Variants in FHIT observed in about 807,000 individuals in gnomAD.
The protein encoded by FHIT is fragile histidine triad diadenosine triphosphatase, also known as bis(5'-adenosyl)-triphosphatase.
In FHIT, 19 loss-of-function variants were observed where a neutral mutation model predicts 17.9. The ratio of observed to expected loss-of-function variants is 1.06; its 90% CI spans 0.74 to 1.56. The LOEUF (loss-of-function observed/expected upper bound fraction) is 1.56. FHIT is among the 40% of genes most tolerant of loss of function. The pLI is 0.00. For missense variants in FHIT, 248 were observed against 189.2 expected (o/e 1.31, Z -1.82); for synonymous variants, 81 against 69.7 (o/e 1.16, Z -0.81).
intron 1 of FHIT, among the ~76,000 whole-genome samples, chr3:61,250,717 A>ACC: frequency 6.6e-6 from 1 of 152,072 alleles, no homozygotes; most frequent in Admixed American, 6.5e-5. Context: ...AAAAACAACA[A>ACC]CCATAAAATA....
At chr3:61,248,672 G>T (rs145942158) in intron 1 of FHIT, among the ~76,000 whole-genome samples, 8 of 152,200 alleles carry the variant, frequency 5.3e-5, no homozygotes, top group African/African-American at 1.9e-4. Flanking sequence ...GCATGTTGAA[G>T]TTGCATAAAC....
At chr3:60,351,272 T>C (rs137865871) in intron 5 of FHIT, among the ~76,000 whole-genome samples, 1 of 152,196 alleles carries the variant, frequency 6.6e-6, no homozygotes, top group East Asian at 1.9e-4. Context: ...TTGACTGATA[T>C]TTATTTTTTG....
intron 1 of FHIT, among the ~76,000 whole-genome samples, chr3:61,227,494 T>G (rs1014612241): frequency 2.0e-5 from 3 of 152,126 alleles, no homozygotes; most frequent in Non-Finnish European, 4.4e-5. Flanking sequence ...CAGTGAAACT[T>G]GCAGCACATA....
intron 4 of FHIT, among the ~76,000 whole-genome samples, chr3:60,771,830 T>G (rs77366932): frequency 0.11 from 17,102 of 152,204 alleles, 1,104 homozygotes; most frequent in African/African-American, 0.17. Context: ...TTATGCAAAA[T>G]TGTTCATTTT....
chr3:60,500,537 A>C (rs2107522455), intron 5 of FHIT, among the ~76,000 whole-genome samples: 1 of 152,128 alleles, frequency 6.6e-6, no homozygotes, highest in South Asian at 2.1e-4. Flanking sequence ...TAGGAGGCCA[A>C]GGTGGGTGGA....
intron 3 of FHIT, among the ~76,000 whole-genome samples, chr3:60,842,499 G>A (rs1702754904): frequency 6.6e-6 from 1 of 150,946 alleles, no homozygotes; most frequent in Non-Finnish European, 1.5e-5. Context: ...TTCTTCGCAA[G>A]GTATATGTGA....
At chr3:60,173,915 A>ATATATATATATATATATATATATTTTT in intron 5 of FHIT, among the ~76,000 whole-genome samples, 1 of 66,436 alleles carries the variant, frequency 1.5e-5, no homozygotes, top group Admixed American at 2.1e-4. Context: ...ATATATATAT[A>ATATATATATATATATATATATATTTTT]TGTTTTTTTT....
chr3:60,566,567 C>T (rs573556390), intron 4 of FHIT, among the ~76,000 whole-genome samples: 10 of 152,112 alleles, frequency 6.6e-5, no homozygotes, highest in Non-Finnish European at 1.5e-4. Context: ...GATGCCCTCT[C>T]TCACCACTCC....
At chr3:59,840,631 C>T (rs960478672) in intron 8 of FHIT, among the ~76,000 whole-genome samples, 69 of 152,056 alleles carry the variant, frequency 4.5e-4, no homozygotes, top group African/African-American at 1.6e-3. Flanking sequence ...TGTGTAGAAG[C>T]CTTGCCTCAA....
chr3:61,179,971 C>T (rs182527862), intron 2 of FHIT, among the ~76,000 whole-genome samples: 1 of 152,248 alleles, frequency 6.6e-6, no homozygotes, highest in African/African-American at 2.4e-5. Flanking sequence ...TATGCTTCTA[C>T]AGAAAATTGA....
intron 6 of FHIT, among the ~76,000 whole-genome samples, chr3:60,012,195 T>C (rs893034293): frequency 6.6e-6 from 1 of 151,714 alleles, no homozygotes; most frequent in African/African-American, 2.4e-5. Flanking sequence ...AATCCATTAG[T>C]GGGTCATGAA....
At chr3:60,721,780 C>A (rs2041814694) in intron 4 of FHIT, among the ~76,000 whole-genome samples, 1 of 152,028 alleles carries the variant, frequency 6.6e-6, no homozygotes. Context: ...TCAAGATCCA[C>A]AAATGAAAGG....
intron 4 of FHIT, among the ~76,000 whole-genome samples, chr3:60,603,723 C>T (rs1056842938): frequency 3.9e-5 from 6 of 151,980 alleles, no homozygotes; most frequent in Non-Finnish European, 7.4e-5. Context: ...GGTAAGGCAT[C>T]ATTGTGAATA....
intron 4 of FHIT, among the ~76,000 whole-genome samples, chr3:60,725,208 G>A (rs1559672779): frequency 6.6e-6 from 1 of 152,038 alleles, no homozygotes; most frequent in Non-Finnish European, 1.5e-5. Flanking sequence ...TCAGATATAT[G>A]ATTTGCAAAA....
At chr3:60,952,672 C>T (rs1282232749) in intron 3 of FHIT, among the ~76,000 whole-genome samples, 2 of 152,098 alleles carry the variant, frequency 1.3e-5, no homozygotes, top group Non-Finnish European at 2.9e-5. Context: ...CCTTTTTCTT[C>T]CTGAAAACAT....
chr3:60,714,054 A>G (rs1553705930), intron 4 of FHIT, among the ~76,000 whole-genome samples: 1 of 152,200 alleles, frequency 6.6e-6, no homozygotes, highest in Admixed American at 6.5e-5. Context: ...GGCAAACTGA[A>G]TCCAGCAGCA....
At chr3:59,860,963 A>G (rs1168741239) in intron 8 of FHIT, among the ~76,000 whole-genome samples, 1 of 152,090 alleles carries the variant, frequency 6.6e-6, no homozygotes, top group Non-Finnish European at 1.5e-5. Flanking sequence ...TTTTCCTACT[A>G]TAGTGGGCTG....
At chr3:61,040,479 A>G (rs564391374) in intron 3 of FHIT, among the ~76,000 whole-genome samples, 1 of 152,372 alleles carries the variant, frequency 6.6e-6, no homozygotes, top group Non-Finnish European at 1.5e-5. Flanking sequence ...ATGAATTTTT[A>G]TAAGCTAGAC....
intron 3 of FHIT, among the ~76,000 whole-genome samples, chr3:60,960,473 G>C (rs1376946421): frequency 6.6e-6 from 1 of 152,140 alleles, no homozygotes; most frequent in East Asian, 1.9e-4. Flanking sequence ...TGCACAACGT[G>C]CAGGTTTGTT....
Sources: allele counts gnomAD v4.1 joint callset (sites outside exome capture counted in the v4.1 genomes callset), GRCh38; gene constraint gnomAD v4.1.1; transcripts MANE v1.5; gene names NCBI Gene and HGNC (gene_info 2026-07-23, HGNC 2026-07-21).